The following LGI2 variants were observed in gnomAD, a reference collection of about 807,000 sequenced individuals.
LGI2 encodes leucine rich repeat LGI family member 2.
LGI2 carries 30 observed loss-of-function variants against 52.0 expected under a neutral mutation model. The ratio of observed to expected loss-of-function variants is 0.58; its 90% CI spans 0.43 to 0.78. LGI2 has a LOEUF of 0.78. LGI2 is among the 30% of genes least tolerant of loss of function. LGI2 has a pLI of 0.00. For synonymous variants in LGI2, 270 were observed against 271.8 expected, an observed-to-expected ratio of 0.99 and a Z score of 0.06; for missense variants, 573 against 692.5, an observed-to-expected ratio of 0.83 and a Z score of 1.94.
At position 25,017,978 on chromosome 4, in the gene LGI2, G is replaced by T. The variant is rs188268941; in HGVS notation, c.655+11C>A. The stretch of plus-strand genomic sequence containing the variant: ...TAAATATCCGTGTCTGATGAGATAG[G>T]CTCTGAATACCTGTAGTTGTGCATT... On this transcript the variant is annotated intron_variant, in intron 6 of 7. Transcript: ENST00000382114. The T allele has an allele frequency of 7.9e-5, 127 of 1,600,170 alleles. No homozygotes were observed. The Admixed American group carries it at 1.3e-3, about 16-fold the overall frequency.
intron 3 of LGI2, among the ~76,000 whole-genome samples, chr4:25,026,267 A>G (rs2109426233): frequency 6.6e-6 from 1 of 152,216 alleles, no homozygotes; most frequent in South Asian, 2.1e-4. Flanking sequence ...CTTAAAGGGG[A>G]AAAAAGACAT....
At chr4:25,023,068 T>TGATGATGATGA (rs1491429239) in intron 4 of LGI2, among the ~76,000 whole-genome samples, 10 of 151,148 alleles carry the variant, frequency 6.6e-5, no homozygotes, top group Admixed American at 2.6e-4. Flanking sequence ...TATGTTGATG[T>TGATGATGATGA]TGATGATGAT....
chr4:25,016,337 G>A (rs1225413008), intron 6 of LGI2, among the ~76,000 whole-genome samples: 1 of 152,360 alleles, frequency 6.6e-6, no homozygotes, highest in Non-Finnish European at 1.5e-5. Flanking sequence ...GGTGTTTCGA[G>A]ACCTCTGCAG....
chr4:25,003,047 T>C lies in LGI2; in HGVS notation c.*404A>G, dbSNP rs951750131. On this transcript the variant is annotated 3_prime_UTR_variant, in exon 8 of 8. Transcript: ENST00000382114. ...TCAGCAGACTTTTGGCTTTAAGAGT[T>C]CTTACCAAAAAGATTGCTAAAGTGG... 1.3e-5 allele frequency: 2 copies of C among 156,326 alleles called. No homozygotes were observed. The highest frequency in any genetic ancestry group is 1.3e-4 in the Admixed American group (2 of 15,412). 9.7% of individuals were successfully genotyped at this position (156,326 alleles called of 1,614,324 possible).
chr4:25,020,510 C>T (rs754472049), intron 4 of LGI2, among the ~76,000 whole-genome samples: 2 of 152,290 alleles, frequency 1.3e-5, no homozygotes, highest in South Asian at 4.1e-4. Flanking sequence ...GAAACTGATG[C>T]CTACTTTTGT....
At chr4:25,005,836 C>T (rs1037848207) in intron 7 of LGI2, among the ~76,000 whole-genome samples, 6 of 152,110 alleles carry the variant, frequency 3.9e-5, no homozygotes, top group Admixed American at 3.3e-4. Flanking sequence ...GGTTCAAAGC[C>T]CAGCCCCGCA....
chr4:25,004,377 A>G lies in LGI2; in HGVS notation c.821-109T>C, dbSNP rs1216793433. The G allele has an allele frequency of 2.1e-6, 2 of 947,264 alleles. No individual in the cohort carries two copies. The highest frequency in any genetic ancestry group is 3.2e-6 in the Non-Finnish European group (2 of 631,992). 58.7% of individuals were successfully genotyped at this position (947,264 alleles called of 1,614,324 possible). A position where few individuals can be genotyped will look rare whatever the true frequency, so the allele number is the denominator to read the frequency against. On this transcript the variant is annotated intron_variant, in intron 7 of 7. Transcript: ENST00000382114. This position sits in a 1 kb window ranked among gnomAD's most constrained non-coding sequence, Gnocchi z 4.6. The stretch of plus-strand genomic sequence containing the variant: ...GGGAGTGTGAAATGGCACAGCCACT[A>G]TGGAAAACAGTATGGTGGTTCCTTG...
intron 6 of LGI2, among the ~76,000 whole-genome samples, chr4:25,014,830 C>CAAAAA (rs60168915): frequency 1.2e-5 from 1 of 85,802 alleles, no homozygotes; most frequent in Non-Finnish European, 2.2e-5. Context: ...GACCTTGTCT[C>CAAAAA]AAAAAAAAAA....
rs772272189 is a variant in LGI2, at chr4:25,026,900, A to G, written c.309T>C (p.Asp103=). Reference sequence around the variant, plus strand: ...CAAGATGAAAAAGTCCAGCAAAAGCATCATCCCGGATGATCGTGAATGAGT... The same window carrying G: ...CAAGATGAAAAAGTCCAGCAAAAGCGTCATCCCGGATGATCGTGAATGAGT... ...NSNSFTIIRD[D]AFAGLFHLEY... is the part of the protein sequence containing the mutation. Residue 103 remains aspartate, a synonymous_variant, in exon 3 of 8, where the codon GAT becomes GAC. Coordinates refer to ENST00000382114, the MANE Select transcript of LGI2 (RefSeq NM_018176.4). 19 of 1,613,882 alleles carry G rather than the reference A, an allele frequency of 1.2e-5. No homozygotes were observed. Among genetic ancestry groups the G allele is most frequent in the South Asian group, 6.6e-5 (6 of 91,076 alleles).
At chr4:25,030,403 G>T in intron 1 of LGI2, 94 bp downstream of exon 1, 1 of 1,363,876 alleles carries the variant, frequency 7.3e-7, no homozygotes, top group Non-Finnish European at 1.0e-6. Context: ...GAGTGGGTCA[G>T]GGTCGCGCTG....
rs762666194 is a variant in LGI2, at chr4:25,030,659, C to T, written c.35G>A (p.Gly12Glu). 2.6e-6 allele frequency: 4 copies of T among 1,527,400 alleles called. No homozygotes were observed. The South Asian group carries it at 4.8e-5, about 19-fold the overall frequency. The allele number at this position is 1,527,400 out of a possible 1,614,324, so 94.6% of individuals were successfully genotyped here. ...GGCGCCCAGCAGCAGCAGCAGCAGCCCGAGCGCTCCGCAGCCGCCTCTCCG... is the reference window on the plus strand; with the variant it reads ...GGCGCCCAGCAGCAGCAGCAGCAGCTCGAGCGCTCCGCAGCCGCCTCTCCG... ...ALRRGGCGAL[G>E]LLLLLLGAAC... Residue 12 changes from glycine to glutamate, a missense_variant, in exon 1 of 8, where the codon GGG becomes GAG. Coordinates refer to ENST00000382114, the MANE Select transcript of LGI2 (RefSeq NM_018176.4).
rs1577563589 is a variant in LGI2 at position 25,028,555 on chromosome 4, G to A, written c.221C>T (p.Ser74Leu). Residue 74 changes from serine (S) to leucine (L), a missense_variant, in exon 2 of 8, where the codon TCA becomes TTA. Coordinates refer to ENST00000382114, the MANE Select transcript of LGI2 (RefSeq NM_018176.4). ...SSLSLVNGTF[S>L]EIKDRMFSHL... Reference sequence around the variant, plus strand: ...GGAAAACATTCGGTCCTTGATTTCTGAAAACGTCCCATTTACCAGGCTCCT... The same window carrying A: ...GGAAAACATTCGGTCCTTGATTTCTAAAAACGTCCCATTTACCAGGCTCCT... The A allele has an allele frequency of 6.2e-7, 1 of 1,613,196 alleles. No homozygotes were observed. Among genetic ancestry groups the A allele is most frequent in the Non-Finnish European group, 8.5e-7 (1 of 1,179,782 alleles).
chr4:25,019,227 T>C lies in LGI2; in HGVS notation c.425A>G (p.Asn142Ser), dbSNP rs1725869914. The C allele has an allele frequency of 1.2e-6, 2 of 1,607,322 alleles. No homozygotes were observed. The highest frequency in any genetic ancestry group is 1.7e-6 in the Non-Finnish European group (2 of 1,175,434). ...LRDLTHLSLA[N>S]NHIKALPRDV... is the part of the protein sequence containing the mutation. ...CCTTGGTAGTGCTTTTATGTGGTTA[T>C]TGGCCAAAGAACTAGAACAAGAAAG... is the stretch of plus-strand genomic sequence containing the variant. The change falls in exon 5 of 8, where the codon AAT becomes AGT. Residue 142 changes from asparagine (N) to serine (S), a missense_variant. Coordinates refer to ENST00000382114, the MANE Select transcript of LGI2 (RefSeq NM_018176.4).
downstream of LGI2, among the ~76,000 whole-genome samples, chr4:24,998,124 C>T (rs1435755172): frequency 2.0e-5 from 3 of 152,146 alleles, no homozygotes; most frequent in African/African-American, 7.2e-5. Context: ...GATCCTCCCA[C>T]CTTGGCTTAT....
In LGI2 at chr4:25,003,948, T is replaced by G. The variant is rs1475046131; in HGVS notation, c.1141A>C (p.Ile381Leu). The G allele has an allele frequency of 4.3e-6, 7 of 1,614,164 alleles. No individual in the cohort carries two copies. The highest frequency in any genetic ancestry group is 5.9e-6 in the Non-Finnish European group (7 of 1,180,028). ...FRDTDAEFVD[I>L]DGKSHLILSS... ...AGGATGAGATGCGATTTTCCATCGA[T>G]ATCAACAAACTCCGCATCCGTGTCC... is the stretch of plus-strand genomic sequence containing the variant. Residue 381 changes from isoleucine (I) to leucine (L), a missense_variant, in exon 8 of 8, where the codon ATC becomes CTC. Physicochemically the swap from Ile to Leu is conservative, Grantham distance 5 (BLOSUM62 2). Transcript: ENST00000382114.
rs1334443463 is a variant in LGI2, at chr4:25,001,325, C to T, written c.*2126G>A. On this transcript the variant is annotated 3_prime_UTR_variant, in exon 8 of 8. Transcript: ENST00000382114. Reference sequence around the variant, plus strand: ...AAAAGATGCCACCTTGCCATCTCTACAGGTGGCTGGAATTGGGAACATCAC... The same window carrying T: ...AAAAGATGCCACCTTGCCATCTCTATAGGTGGCTGGAATTGGGAACATCAC... The T allele has an allele frequency of 2.0e-5, 3 of 152,260 alleles. No individual in the cohort carries two copies. Among genetic ancestry groups the T allele is most frequent in the African/African-American group, 7.2e-5 (3 of 41,470 alleles). The allele number at this position is 152,260 out of a possible 1,614,324, so 9.4% of individuals were successfully genotyped here.
chr4:25,008,888 C>T (rs1219797287), intron 7 of LGI2, among the ~76,000 whole-genome samples: 1 of 152,228 alleles, frequency 6.6e-6, no homozygotes. Context: ...TCCAGCAGGG[C>T]TCTGGCCCCA....
rs759918108 is a variant in LGI2 at position 25,003,810 on chromosome 4, G to A, written c.1279C>T (p.Arg427Ter). 19 of 1,614,060 alleles carry A rather than the reference G, an allele frequency of 1.2e-5. No individual in the cohort carries two copies. The highest frequency in any genetic ancestry group is 4.5e-5 in the East Asian group (2 of 44,892). The change falls in exon 8 of 8, where the codon CGA (arginine) becomes TGA (stop). Residue 427 changes from arginine (R) to a stop codon, truncating the protein, a stop_gained. Coordinates refer to ENST00000382114, the MANE Select transcript of LGI2 (RefSeq NM_018176.4). LOFTEE classifies it high-confidence loss of function. ...GAAAGGTAGAGGGTATTTTGCATTC[G>A]GAAGCTCTTCACAGCCAGTACGTCC... ...MEDVLAVKSFRMQNTLYLSLT... is the reference protein window; with the variant it reads ...MEDVLAVKSF
chr4:25,028,087 T>C (rs902780929), intron 2 of LGI2, among the ~76,000 whole-genome samples: 5 of 152,222 alleles, frequency 3.3e-5, no homozygotes, highest in African/African-American at 1.2e-4. Flanking sequence ...CGTAAGTTCA[T>C]AGGATGCTGC....
Sources: gnomAD v4.1 joint callset for allele counts (sites outside exome capture counted in the v4.1 genomes callset) on GRCh38, gnomAD v4.1.1 for gene constraint, Gnocchi (gnomAD v3.1) non-coding constraint, MANE v1.5 for transcripts, NCBI Gene and HGNC (gene_info 2026-07-23, HGNC 2026-07-21) for gene names.